USP31: variants seen among roughly 807,000 people sequenced by gnomAD.
USP31 encodes ubiquitin carboxyl-terminal hydrolase 31.
In USP31, 44 loss-of-function variants were observed where a neutral mutation model predicts 119.4. The ratio of observed to expected loss-of-function variants is 0.37; its 90% CI spans 0.29 to 0.47. The LOEUF is 0.47. Ranked by LOEUF, USP31 falls within the 20% of genes least tolerant of loss-of-function variation. USP31 has a pLI of 0.99. For missense variants in USP31, 1,643 were observed against 1,730.2 expected, an observed-to-expected ratio of 0.95 and a Z score of 0.89; for synonymous variants, 749 against 705.6, an observed-to-expected ratio of 1.06 and a Z score of -0.97.
intron 1 of USP31, among the ~76,000 whole-genome samples, chr16:23,142,649 A>C (rs1274595377): frequency 6.6e-6 from 1 of 152,174 alleles, no homozygotes; most frequent in Non-Finnish European, 1.5e-5. Flanking sequence ...CCACATCCTG[A>C]AAGGCTAGGA....
chr16:23,144,802 T>C (rs1567250774), intron 1 of USP31, among the ~76,000 whole-genome samples: 2 of 152,164 alleles, frequency 1.3e-5, no homozygotes. Flanking sequence ...ACTTTCTTTA[T>C]ATTCAAAATA....
intron 13 of USP31, 167 bp downstream of exon 13, chr16:23,079,779 T>A (rs1233245535): frequency 1.7e-6 from 1 of 596,122 alleles, no homozygotes; most frequent in Non-Finnish European, 2.7e-6. Context: ...GGAAGAATGT[T>A]CGTTTATTTG....
chr16:23,125,872 G>A (rs369673365), intron 1 of USP31, among the ~76,000 whole-genome samples: 31 of 152,242 alleles, frequency 2.0e-4, no homozygotes, highest in African/African-American at 6.7e-4. Flanking sequence ...TAAAGAAAGC[G>A]TTGAATTTCC....
intron 15 of USP31, 59 bp from the exon 16 acceptor site, chr16:23,069,675 T>C: frequency 1.3e-6 from 2 of 1,523,512 alleles, no homozygotes; most frequent in African/African-American, 1.4e-5. Context: ...CTAACAACAC[T>C]GTAAGACACT....
chr16:23,125,052 T>G (rs563583703), intron 1 of USP31, among the ~76,000 whole-genome samples: 118 of 152,270 alleles, frequency 7.7e-4, no homozygotes, highest in African/African-American at 2.8e-3. Context: ...TTTCCACACC[T>G]CTCTCCTACC....
rs1308967508 is a variant in USP31 at position 23,149,405 on chromosome 16, C to G, written c.-135G>C. ...CGCCCCACACACCTCAAAGCGCAGC[C>G]GAGCCAGCGAGCGAGCGGCGGCCGG... On this transcript the variant is annotated 5_prime_UTR_variant, in exon 1 of 16. Transcript: ENST00000219689. The G allele has an allele frequency of 1.3e-5, 13 of 963,968 alleles. No homozygotes were observed. Among genetic ancestry groups the G allele is most frequent in the South Asian group, 4.8e-5 (1 of 21,024 alleles). The allele number at this position is 963,968 out of a possible 1,614,324, so 59.7% of individuals were successfully genotyped here.
rs747565439 is a variant in USP31, at chr16:23,061,564, A to G, written c.*6482T>C. 1 of 152,684 alleles carries G rather than the reference A, an allele frequency of 6.5e-6. No homozygotes were observed. 9.5% of individuals were successfully genotyped at this position (152,684 alleles called of 1,614,324 possible). On this transcript the variant is annotated 3_prime_UTR_variant, in exon 16 of 16. Coordinates refer to ENST00000219689, the MANE Select transcript of USP31 (RefSeq NM_020718.4). ...GCTTCTTAAAAGTGCATACACTTTG[A>G]ATAATAAAACATACAAATAAATAAC...
In USP31 at chr16:23,082,561, A is replaced by G. The variant is rs776515486; in HGVS notation, c.1831-4T>C. ...GCCAGGCATCATCGGGGGCAAGCTG[A>G]AAACAGAAGCATGACTCCCGTTAAG... On this transcript the variant is annotated splice_polypyrimidine_tract_variant and splice_region_variant and intron_variant, in intron 11 of 15. Coordinates refer to ENST00000219689, the MANE Select transcript of USP31 (RefSeq NM_020718.4). The G allele has an allele frequency of 6.2e-7, 1 of 1,614,062 alleles. No homozygotes were observed. Among genetic ancestry groups the G allele is most frequent in the Admixed American group, 1.7e-5 (1 of 60,022 alleles).
At chr16:23,071,862 G>T (rs910796253) in intron 15 of USP31, among the ~76,000 whole-genome samples, 183 bp downstream of exon 15, 1 of 152,240 alleles carries the variant, frequency 6.6e-6, no homozygotes, top group East Asian at 1.9e-4. Flanking sequence ...AAAAGCAAAT[G>T]ACTCTGTTAA....
At chr16:23,106,737 C>G (rs1215560777) in intron 2 of USP31, among the ~76,000 whole-genome samples, 1 of 152,120 alleles carries the variant, frequency 6.6e-6, no homozygotes. Context: ...AGCTCCCCTT[C>G]CCCAGGATGC....
At chr16:23,108,722 G>A (rs905955628) in intron 1 of USP31, among the ~76,000 whole-genome samples, 7 of 152,122 alleles carry the variant, frequency 4.6e-5, no homozygotes, top group South Asian at 2.1e-4. Flanking sequence ...TACATATTAA[G>A]TATTATCTCT....
chr16:23,121,180 G>A (rs557892782), intron 1 of USP31, among the ~76,000 whole-genome samples: 3 of 152,146 alleles, frequency 2.0e-5, no homozygotes, highest in Non-Finnish European at 2.9e-5. Context: ...CATTCACATC[G>A]CCATAAACCC....
At chr16:23,090,423 C>A (rs544684696) in intron 7 of USP31, among the ~76,000 whole-genome samples, 128 of 151,130 alleles carry the variant, frequency 8.5e-4, no homozygotes, top group African/African-American at 2.5e-3. Context: ...ACAACAACAA[C>A]AAAAAACCCC....
chr16:23,132,625 T>C (rs1274315973), intron 1 of USP31, among the ~76,000 whole-genome samples: 3 of 152,246 alleles, frequency 2.0e-5, no homozygotes, highest in Non-Finnish European at 2.9e-5. Context: ...GATAGTTCCA[T>C]GTTTAGACTA....
chr16:23,066,469 T>G lies in USP31; in HGVS notation c.*1577A>C, dbSNP rs373206287. 2.0e-5 allele frequency: 3 copies of G among 152,340 alleles called. No homozygotes were observed. The highest frequency in any genetic ancestry group is 4.4e-5 in the Non-Finnish European group (3 of 68,024). The allele number at this position is 152,340 out of a possible 1,614,324, so 9.4% of individuals were successfully genotyped here. On this transcript the variant is annotated 3_prime_UTR_variant, in exon 16 of 16. Coordinates refer to ENST00000219689, the MANE Select transcript of USP31 (RefSeq NM_020718.4). Reference sequence around the variant, plus strand: ...AGCTATGCATGCATATGTGTTGTAGTTAATTCACACACAGCAATACTGAAA... The same window carrying G: ...AGCTATGCATGCATATGTGTTGTAGGTAATTCACACACAGCAATACTGAAA...
intron 1 of USP31, chr16:23,115,645 A>G (rs1413099047): frequency 5.2e-6 from 2 of 387,022 alleles, no homozygotes; most frequent in Non-Finnish European, 7.1e-6. Flanking sequence ...TGGTCTCCTG[A>G]CTTAAATCCT....
At chr16:23,131,385 T>C (rs1903026516) in intron 1 of USP31, among the ~76,000 whole-genome samples, 1 of 152,198 alleles carries the variant, frequency 6.6e-6, no homozygotes, top group South Asian at 2.1e-4. Flanking sequence ...CTTGAACTCC[T>C]GGGCTCAAGC....
intron 13 of USP31, chr16:23,079,294 T>C (rs1359635800): frequency 6.6e-6 from 1 of 152,240 alleles, no homozygotes; most frequent in Non-Finnish European, 1.5e-5. Flanking sequence ...GATGATGGTA[T>C]TCTTTCCACC....
chr16:23,092,435 G>C (rs921075582), intron 6 of USP31, among the ~76,000 whole-genome samples: 1 of 152,156 alleles, frequency 6.6e-6, no homozygotes, highest in African/African-American at 2.4e-5. Flanking sequence ...CCCAGCTCCA[G>C]AGAACTTCAC....
Sources: gnomAD v4.1 joint callset for allele counts (sites outside exome capture counted in the v4.1 genomes callset) on GRCh38, gnomAD v4.1.1 for gene constraint, MANE v1.5 for transcripts, NCBI Gene and HGNC (gene_info 2026-07-23, HGNC 2026-07-21) for gene names.